SORBS2: variants seen among roughly 807,000 people sequenced by gnomAD.
The protein encoded by SORBS2 is sorbin and SH3 domain containing 2, also known as sorbin and SH3 domain-containing protein 2.
A neutral mutation model predicts 97.7 loss-of-function variants in SORBS2; 46 were observed. The observed-to-expected ratio is 0.47, with a 90% CI of 0.37 to 0.60. The LOEUF is 0.60. Among genes scored for constraint, SORBS2 ranks in the 20% least tolerant of loss-of-function variants. The probability of loss-of-function intolerance (pLI) is 0.00; values close to 1 mark genes in which losing one functional copy is unlikely to be tolerated. For missense variants in SORBS2, 1,316 were observed against 1,282.3 expected (o/e 1.03, Z -0.40); for synonymous variants, 476 against 473.4 (o/e 1.01, Z -0.07).
intron 2 of SORBS2, among the ~76,000 whole-genome samples, chr4:185,762,432 G>A (rs531724681): frequency 1.3e-5 from 2 of 152,072 alleles, no homozygotes; most frequent in Middle Eastern, 3.4e-3. Flanking sequence ...TGAACTCAGG[G>A]AAGATTACAG....
chr4:185,822,714 G>A (rs2099197492), intron 1 of SORBS2, among the ~76,000 whole-genome samples: 1 of 152,162 alleles, frequency 6.6e-6, no homozygotes, highest in Admixed American at 6.5e-5. Context: ...GGTGTTCCAG[G>A]ACAGGCTATT....
intron 1 of SORBS2, among the ~76,000 whole-genome samples, chr4:185,946,458 A>C (rs1395896556): frequency 6.6e-6 from 1 of 152,208 alleles, no homozygotes; most frequent in African/African-American, 2.4e-5. Context: ...GAACCTGAAA[A>C]TGGATGAAGC....
At chr4:185,930,458 C>T (rs13114899) in intron 1 of SORBS2, among the ~76,000 whole-genome samples, 48,375 of 151,844 alleles carry the variant, frequency 0.32, 8,657 homozygotes, top group East Asian at 0.52. Context: ...CCACCACGCC[C>T]GGCTAATTTT....
At chr4:185,682,323 G>A (rs933491177) in intron 2 of SORBS2, among the ~76,000 whole-genome samples, 1 of 152,208 alleles carries the variant, frequency 6.6e-6, no homozygotes, top group Non-Finnish European at 1.5e-5. Context: ...AGGGGTTTTG[G>A]TGAAATAAAA....
At chr4:185,820,661 C>A (rs975536045) in intron 1 of SORBS2, among the ~76,000 whole-genome samples, 1 of 152,154 alleles carries the variant, frequency 6.6e-6, no homozygotes, top group South Asian at 2.1e-4. Context: ...GCGTCTCAGC[C>A]GACACACAGG....
At chr4:185,685,629 T>C (rs2097942689) in intron 2 of SORBS2, among the ~76,000 whole-genome samples, 1 of 152,146 alleles carries the variant, frequency 6.6e-6, no homozygotes, top group Non-Finnish European at 1.5e-5. Flanking sequence ...CCTCCTGCGC[T>C]CAAGCAATCC....
chr4:185,662,206 C>T (rs201256597), exon 5 of SORBS2: 37 of 1,613,096 alleles, frequency 2.3e-5, no homozygotes, highest in Non-Finnish European at 2.8e-5. Flanking sequence ...ATGGGACTCA[C>T]GGCACCTCCT....
Position 185,809,455 on chromosome 4 carries a change from C to CAAAAAAAAAAAAAAAAAAAAAAA in SORBS2, c.-337-34112_-337-34090dup, listed in dbSNP as rs55713465. On this transcript the variant is annotated intron_variant, in intron 1 of 20. Transcript: ENST00000284776. ...GACTCTTCAGGGGGCACTGCATTTG[C>CAAAAAAAAAAAAAAAAAAAAAAA]AAAAAAAAAAAAAAAAAAAAAAAAA... is the stretch of plus-strand genomic sequence containing the variant. 6.3e-5 allele frequency among the ~76,000 whole-genome samples: 3 copies of CAAAAAAAAAAAAAAAAAAAAAAA among 47,290 alleles called. 1 individual carries two copies. Among genetic ancestry groups the CAAAAAAAAAAAAAAAAAAAAAAA allele is most frequent in the African/African-American group, 1.7e-4 (2 of 11,560 alleles). 31.0% of individuals were successfully genotyped at this position (47,290 alleles called of 152,430 possible).
Position 185,606,709 on chromosome 4 carries a change from G to A in SORBS2, c.2796+5071C>T, listed in dbSNP as rs2096430100. Reference sequence around the variant, plus strand: ...CTCCTCCTCTTCAATGTGCAGGTGTGGGGTGCCCTCTGACCCATCGTGGCC... The same window carrying A: ...CTCCTCCTCTTCAATGTGCAGGTGTAGGGTGCCCTCTGACCCATCGTGGCC... On this transcript the variant is annotated intron_variant, in intron 12 of 14. Coordinates refer to ENST00000418609, the Ensembl canonical transcript of SORBS2. The surrounding 1 kb of genome is among the most constrained non-coding windows in gnomAD (Gnocchi z 4.3). The A allele has an allele frequency of 2.0e-6, 2 of 985,210 alleles. No homozygotes were observed. The highest frequency in any genetic ancestry group is 2.3e-4 in the East Asian group (2 of 8,788). 61.0% of individuals were successfully genotyped at this position (985,210 alleles called of 1,614,324 possible).
At chr4:185,934,395 C>T (rs1020600111) in intron 1 of SORBS2, among the ~76,000 whole-genome samples, 1 of 152,158 alleles carries the variant, frequency 6.6e-6, no homozygotes, top group African/African-American at 2.4e-5. Flanking sequence ...AGAATAAAGG[C>T]ATCCAATTTG....
At chr4:185,913,767 C>T (rs2099256611) in intron 1 of SORBS2, among the ~76,000 whole-genome samples, 1 of 152,156 alleles carries the variant, frequency 6.6e-6, no homozygotes, top group South Asian at 2.1e-4. Context: ...ATGAATGACT[C>T]TTCAAAGACT....
chr4:185,611,696 C>G, intron 12 of SORBS2, 84 bp downstream of exon 24: 1 of 1,049,608 alleles, frequency 9.5e-7, no homozygotes, highest in East Asian at 2.4e-5. Flanking sequence ...ATATGATATT[C>G]TAATCTAATA....
chr4:185,635,474 G>A, intron 4 of SORBS2, 63 bp from the exon 16 acceptor site: 2 of 1,213,920 alleles, frequency 1.6e-6, no homozygotes, highest in Non-Finnish European at 2.4e-6. Flanking sequence ...GTCAATGGCA[G>A]CAAGGAATGA....
intron 1 of SORBS2, among the ~76,000 whole-genome samples, chr4:185,873,353 CCT>C (rs2149748702): frequency 6.6e-6 from 1 of 152,292 alleles, no homozygotes; most frequent in South Asian, 2.1e-4. Flanking sequence ...TTTTCCTTCC[CCT>C]GAGTGCTAGC....
At chr4:185,739,187 T>C (rs2098707249) in intron 2 of SORBS2, among the ~76,000 whole-genome samples, 1 of 152,260 alleles carries the variant, frequency 6.6e-6, no homozygotes, top group African/African-American at 2.4e-5. Flanking sequence ...GTTGGACTGG[T>C]ATTTTCTTTT....
intron 1 of SORBS2, among the ~76,000 whole-genome samples, chr4:185,917,058 C>T (rs7672034): frequency 0.61 from 92,031 of 151,766 alleles, 28,290 homozygotes; most frequent in East Asian, 0.71. Flanking sequence ...TAATTAATCA[C>T]GCCTATCTAA....
chr4:185,672,211 A>G (rs2097723425), intron 4 of SORBS2, among the ~76,000 whole-genome samples: 1 of 152,210 alleles, frequency 6.6e-6, no homozygotes, highest in African/African-American at 2.4e-5. Context: ...TACTGATCCC[A>G]TGGAGCAAAA....
At chr4:185,900,577 GA>G (rs2099247176) in intron 1 of SORBS2, among the ~76,000 whole-genome samples, 2 of 151,966 alleles carry the variant, frequency 1.3e-5, no homozygotes, top group Non-Finnish European at 2.9e-5. Flanking sequence ...AAGAACAGAT[GA>G]AAACAGGTTA....
At chr4:185,753,666 T>G (rs1205615629) in intron 2 of SORBS2, among the ~76,000 whole-genome samples, 7 of 152,208 alleles carry the variant, frequency 4.6e-5, no homozygotes, top group African/African-American at 1.7e-4. Context: ...GGCAGAAATG[T>G]TTAAGCAGCA....
Sources: allele counts gnomAD v4.1 joint callset (sites outside exome capture counted in the v4.1 genomes callset), GRCh38; gene constraint gnomAD v4.1.1; non-coding constraint Gnocchi (gnomAD v3.1); transcripts MANE v1.5; gene names NCBI Gene and HGNC (gene_info 2026-07-23, HGNC 2026-07-21).